DTX1: variants seen among roughly 807,000 people sequenced by gnomAD.
DTX1 encodes the protein E3 ubiquitin-protein ligase DTX1.
A neutral mutation model predicts 57.8 loss-of-function variants in DTX1; 26 were observed. That is an observed-to-expected ratio of 0.45 (90% CI 0.33 to 0.62). DTX1 has a LOEUF of 0.62. Among genes scored for constraint, DTX1 ranks in the 20% least tolerant of loss-of-function variants. The pLI is 0.02. For synonymous variants in DTX1, 398 were observed against 394.1 expected, an observed-to-expected ratio of 1.01 and a Z score of -0.12; for missense variants, 704 against 895.3, an observed-to-expected ratio of 0.79 and a Z score of 2.73.
intron 3 of DTX1, among the ~76,000 whole-genome samples, chr12:113,081,867 G>A (rs2136061631): frequency 1.3e-5 from 2 of 152,268 alleles, no homozygotes; most frequent in South Asian, 2.1e-4. Flanking sequence ...TGGAACAGTG[G>A]GGGCTGAGAT....
In DTX1 at chr12:113,058,122, G is replaced by C. The variant is rs932530421; in HGVS notation, c.-71G>C. Reference sequence around the variant, plus strand: ...CCCCCTGGGGAGAGAGGAAGTTGCCGCCTGCTGCCAGGCCCAGGAGGAGCT... The same window carrying C: ...CCCCCTGGGGAGAGAGGAAGTTGCCCCCTGCTGCCAGGCCCAGGAGGAGCT... On this transcript the variant is annotated 5_prime_UTR_variant, in exon 2 of 10. Coordinates refer to ENST00000548759, the MANE Select transcript of DTX1 (RefSeq NM_004416.3). 4.6e-5 allele frequency: 68 copies of C among 1,479,156 alleles called. No individual in the cohort carries two copies. The highest frequency in any genetic ancestry group is 7.6e-5 in the Admixed American group (3 of 39,352). 91.6% of individuals were successfully genotyped at this position (1,479,156 alleles called of 1,614,324 possible). A position where few individuals can be genotyped will look rare whatever the true frequency, so the allele number is the denominator to read the frequency against.
At chr12:113,080,544 G>GA (rs1406883929) in intron 3 of DTX1, among the ~76,000 whole-genome samples, 2 of 150,066 alleles carry the variant, frequency 1.3e-5, no homozygotes, top group Non-Finnish European at 3.0e-5. Flanking sequence ...AAGGTTAAAA[G>GA]AAAAAAAAGA....
intron 2 of DTX1, among the ~76,000 whole-genome samples, chr12:113,066,035 C>T (rs1160360504): frequency 4.6e-5 from 7 of 152,140 alleles, no homozygotes; most frequent in Non-Finnish European, 7.4e-5. Context: ...GTCCCCAGGA[C>T]AGCTCCAGTC....
chr12:113,077,624 A>C lies in DTX1; in HGVS notation c.460A>C (p.Asn154His). 1 of 1,612,244 alleles carries C rather than the reference A, an allele frequency of 6.2e-7. No individual in the cohort carries two copies. Among genetic ancestry groups the C allele is most frequent in the Non-Finnish European group, 8.5e-7 (1 of 1,179,662 alleles). ...SLGFCYLIYF[N>H]SMSQMNRQTR... ...AGGCTTCTGCTACCTCATCTACTTC[A>C]ACAGCATGTCGCAGATGAACCGCCA... The change falls in exon 3 of 10, where the codon AAC (asparagine) becomes CAC (histidine). Residue 154 changes from asparagine to histidine, a missense_variant. By Grantham distance (68) the Asn-to-His change is moderately conservative. Around this residue, in one of 3 missense-constraint regions of DTX1, gnomAD observed 237 missense variants for 328.6 expected, o/e 0.72. Transcript: ENST00000548759. The surrounding 1 kb of genome is among the most constrained non-coding windows in gnomAD (Gnocchi z 7.8).
At chr12:113,068,921 G>A (rs2044722107) in intron 2 of DTX1, among the ~76,000 whole-genome samples, 1 of 152,222 alleles carries the variant, frequency 6.6e-6, no homozygotes, top group South Asian at 2.1e-4. Flanking sequence ...TAGTAGCCCA[G>A]TGGCTATGTG....
At chr12:113,066,327 G>A (rs191337509) in intron 2 of DTX1, among the ~76,000 whole-genome samples, 4 of 152,140 alleles carry the variant, frequency 2.6e-5, no homozygotes, top group Non-Finnish European at 4.4e-5. Context: ...TCAGGAGTTC[G>A]AGACCAGCCT....
chr12:113,058,092 G>C lies in DTX1; in HGVS notation c.-101G>C, dbSNP rs1592839002. On this transcript the variant is annotated 5_prime_UTR_variant, in exon 2 of 10. Transcript: ENST00000548759. ...TTAGAAAGGAGGCCAGACGGTCCTTGCTGTCCCCCTGGGGAGAGAGGAAGT... is the reference window on the plus strand; with the variant it reads ...TTAGAAAGGAGGCCAGACGGTCCTTCCTGTCCCCCTGGGGAGAGAGGAAGT... The C allele has an allele frequency of 1.4e-6, 2 of 1,443,436 alleles. No individual in the cohort carries two copies. Among genetic ancestry groups the C allele is most frequent in the Admixed American group, 2.8e-5 (1 of 36,206 alleles). The allele number at this position is 1,443,436 out of a possible 1,614,324, so 89.4% of individuals were successfully genotyped here.
intron 2 of DTX1, among the ~76,000 whole-genome samples, chr12:113,070,100 T>C (rs2044729192): frequency 6.6e-6 from 1 of 152,204 alleles, no homozygotes; most frequent in Non-Finnish European, 1.5e-5. Flanking sequence ...TGCTCCTAAC[T>C]GCTCCGTGCC....
intron 3 of DTX1, among the ~76,000 whole-genome samples, chr12:113,083,407 C>A (rs2044832363): frequency 6.6e-6 from 1 of 152,046 alleles, no homozygotes; most frequent in Non-Finnish European, 1.5e-5. Flanking sequence ...CTCACTGCAA[C>A]CTCCACCTCC....
chr12:113,073,557 A>G (rs567248698), intron 2 of DTX1, among the ~76,000 whole-genome samples: 1 of 152,196 alleles, frequency 6.6e-6, no homozygotes, highest in East Asian at 1.9e-4. Context: ...CGCCCCTTTC[A>G]TATCAATAGC....
intron 3 of DTX1, among the ~76,000 whole-genome samples, chr12:113,087,537 C>T (rs1183002856): frequency 6.6e-6 from 1 of 151,838 alleles, no homozygotes; most frequent in African/African-American, 2.4e-5. Flanking sequence ...AGAGACAGCC[C>T]TGAAAGTGGG....
intron 2 of DTX1, among the ~76,000 whole-genome samples, chr12:113,075,942 G>A (rs550354447): frequency 1.3e-5 from 2 of 152,100 alleles, no homozygotes; most frequent in Admixed American, 6.5e-5. Context: ...CCCTGACCTT[G>A]TGGCTATTAC....
chr12:113,095,094 G>T lies in DTX1; in HGVS notation c.1439G>T (p.Gly480Val). ...AAGGCCATCTACGGGGAGAAGACGG[G>T]TACGCAGCCGCCTGGGAAGATGGAG... Reference protein sequence around the residue: ...TCKAIYGEKTGTQPPGKMEFH... With the variant: ...TCKAIYGEKTVTQPPGKMEFH... Residue 480 changes from glycine (G) to valine (V), a missense_variant, in exon 8 of 10, where the codon GGT (glycine) becomes GTT (valine). Physicochemically the swap from Gly to Val is moderately radical, Grantham distance 109 (BLOSUM62 -3). This residue lies in a region of DTX1 where 168 missense variants were observed against 255.6 expected (regional missense o/e 0.66). Coordinates refer to ENST00000548759, the MANE Select transcript of DTX1 (RefSeq NM_004416.3). 6.2e-7 allele frequency: 1 copy of T among 1,613,790 alleles called. No homozygotes were observed. The highest frequency in any genetic ancestry group is 1.1e-5 in the South Asian group (1 of 91,066).
Position 113,090,677 on chromosome 12 carries a change from G to A in DTX1, c.942-2485G>A, listed in dbSNP as rs1023120596. ...CCTCCTCAAGGGGCTCAATCCAGAT[G>A]TCTGCTCCAGACCTCTCCACAGCCC... On this transcript the variant is annotated intron_variant, in intron 3 of 9. Transcript: ENST00000548759. 4.6e-5 allele frequency among the ~76,000 whole-genome samples: 7 copies of A among 152,186 alleles called. No homozygotes were observed. The East Asian group carries it at 5.8e-4, about 13-fold the overall frequency.
At chr12:113,095,580 T>C in intron 9 of DTX1, 166 bp downstream of exon 9, 1 of 831,306 alleles carries the variant, frequency 1.2e-6, no homozygotes, top group African/African-American at 1.7e-5. Flanking sequence ...ACACATCTTA[T>C]CTCGTTTCCT....
Position 113,093,629 on chromosome 12 carries a change from A to G in DTX1, c.1094A>G (p.Lys365Arg). The change falls in exon 5 of 10, where the codon AAG becomes AGG. Residue 365 changes from lysine (K) to arginine (R), a missense_variant. Lys to Arg is a conservative substitution (Grantham distance 26, BLOSUM62 2). Coordinates refer to ENST00000548759, the MANE Select transcript of DTX1 (RefSeq NM_004416.3). This position sits in a 1 kb window ranked among gnomAD's most constrained non-coding sequence, Gnocchi z 4.2. The part of the protein sequence containing the change: ...KPILHPPPVS[K>R]SDVKPVPGVP... ...ATCCTGCACCCGCCGCCCGTGAGCA[A>G]GAGCGACGTGAAGCCCGTGCCTGGC... The G allele has an allele frequency of 1.2e-6, 2 of 1,613,542 alleles. No individual in the cohort carries two copies. The highest frequency in any genetic ancestry group is 1.7e-6 in the Non-Finnish European group (2 of 1,179,850).
intron 2 of DTX1, among the ~76,000 whole-genome samples, chr12:113,061,886 A>C (rs2044666612): frequency 6.6e-6 from 1 of 151,952 alleles, no homozygotes; most frequent in Admixed American, 6.6e-5. Flanking sequence ...TTGTATTTTT[A>C]GTAGAGATGG....
Position 113,098,002 on chromosome 12 carries a change from G to C in DTX1, c.*1063G>C, listed in dbSNP as rs905841290. Reference sequence around the variant, plus strand: ...AAACCTACCAGTCCCACTGTGGGTGGAGAAATAAATGGTCTTTCTCCTCCT... The same window carrying C: ...AAACCTACCAGTCCCACTGTGGGTGCAGAAATAAATGGTCTTTCTCCTCCT... On this transcript the variant is annotated 3_prime_UTR_variant, in exon 10 of 10. Coordinates refer to ENST00000548759, the MANE Select transcript of DTX1 (RefSeq NM_004416.3). 4 of 152,724 alleles carry C rather than the reference G, an allele frequency of 2.6e-5. No homozygotes were observed. The highest frequency in any genetic ancestry group is 7.2e-5 in the African/African-American group (3 of 41,472). The allele number at this position is 152,724 out of a possible 1,614,324, so 9.5% of individuals were successfully genotyped here.
chr12:113,062,270 AT>A (rs2044670511), intron 2 of DTX1, among the ~76,000 whole-genome samples: 1 of 152,152 alleles, frequency 6.6e-6, no homozygotes, highest in Non-Finnish European at 1.5e-5. Flanking sequence ...CAGATAATAA[AT>A]CTTTTAACTT....
Sources: allele counts gnomAD v4.1 joint callset (sites outside exome capture counted in the v4.1 genomes callset), GRCh38; gene constraint gnomAD v4.1.1; regional missense constraint gnomAD v4.1.1; non-coding constraint Gnocchi (gnomAD v3.1); transcripts MANE v1.5; gene names NCBI Gene and HGNC (gene_info 2026-07-23, HGNC 2026-07-21).